The following RASSF3 variants were observed in gnomAD, a reference collection of about 807,000 sequenced individuals.
RASSF3 encodes ras association domain-containing protein 3.
A neutral mutation model predicts 19.9 loss-of-function variants in RASSF3; 19 were observed. That is an observed-to-expected ratio of 0.96 (90% CI 0.67 to 1.40). The LOEUF (loss-of-function observed/expected upper bound fraction) is 1.40. RASSF3 is among the 40% of genes most tolerant of loss of function. The pLI, the probability that RASSF3 is intolerant of heterozygous loss-of-function variation, is 0.00. For missense variants in RASSF3, 306 were observed against 289.8 expected, an observed-to-expected ratio of 1.06 and a Z score of -0.41; for synonymous variants, 110 against 104.2, an observed-to-expected ratio of 1.06 and a Z score of -0.34.
chr12:64,632,763 T>A (rs892265885), intron 1 of RASSF3, among the ~76,000 whole-genome samples: 1 of 152,006 alleles, frequency 6.6e-6, no homozygotes, highest in African/African-American at 2.4e-5. Flanking sequence ...GAATTAAGGG[T>A]CTGAAGCTCA....
intron 1 of RASSF3, among the ~76,000 whole-genome samples, chr12:64,519,511 A>G (rs1868424317): frequency 6.6e-6 from 1 of 152,124 alleles, no homozygotes; most frequent in Non-Finnish European, 1.5e-5. Flanking sequence ...ATGAGGGTCG[A>G]TATGTCGTTA....
Position 64,610,758 on chromosome 12 carries a change from G to A in RASSF3, c.111+15G>A, listed in dbSNP as rs1870323423. 1.3e-6 allele frequency: 2 copies of A among 1,551,446 alleles called. No homozygotes were observed. The highest frequency in any genetic ancestry group is 1.8e-6 in the Non-Finnish European group (2 of 1,141,312). ...CCGGCCAACAAGTGAGTGGCGCGCG[G>A]CGGGCGCTGCAGCCCGCGCCCCAGA... On this transcript the variant is annotated intron_variant, in intron 1 of 4. Coordinates refer to ENST00000542104, the MANE Select transcript of RASSF3 (RefSeq NM_178169.4).
chr12:64,546,669 GA>G (rs1869069161), downstream of RASSF3, among the ~76,000 whole-genome samples: 1 of 152,170 alleles, frequency 6.6e-6, no homozygotes, highest in South Asian at 2.1e-4. Context: ...GGTGATGAAT[GA>G]TAAATGCAAT....
chr12:64,538,629 A>G (rs1374780094), intron 1 of RASSF3, among the ~76,000 whole-genome samples: 1 of 151,854 alleles, frequency 6.6e-6, no homozygotes, highest in African/African-American at 2.4e-5. Context: ...AAATAATTAC[A>G]TGAGCTCTGT....
chr12:64,598,296 A>G (rs1481621836), intron 2 of RASSF3, among the ~76,000 whole-genome samples: 3 of 152,226 alleles, frequency 2.0e-5, no homozygotes, highest in African/African-American at 7.2e-5. Context: ...TGATTGGGTA[A>G]TCACAGTCTG....
At chr12:64,641,049 T>C (rs1218270243) in intron 1 of RASSF3, among the ~76,000 whole-genome samples, 2 of 147,060 alleles carry the variant, frequency 1.4e-5, no homozygotes, top group Admixed American at 6.6e-5. Context: ...AAATAAGATA[T>C]ACTTATTTAA....
chr12:64,529,044 GC>G (rs1868650819), upstream of RASSF3, among the ~76,000 whole-genome samples: 1 of 152,192 alleles, frequency 6.6e-6, no homozygotes, highest in Non-Finnish European at 1.5e-5. Context: ...AACAGAGGTA[GC>G]TTTTATTTTT....
At chr12:64,596,253 G>C (rs939660089) in intron 2 of RASSF3, among the ~76,000 whole-genome samples, 1 of 152,212 alleles carries the variant, frequency 6.6e-6, no homozygotes, top group Non-Finnish European at 1.5e-5. Flanking sequence ...AGGCTCTCGT[G>C]TATACACGTT....
intron 1 of RASSF3, among the ~76,000 whole-genome samples, chr12:64,629,636 A>G (rs1346566766): frequency 5.9e-5 from 9 of 152,094 alleles, no homozygotes; most frequent in Non-Finnish European, 1.3e-4. Flanking sequence ...TTTTAATTGG[A>G]AAAGTTGGCC....
At chr12:64,604,506 C>T (rs1213106270) in intron 2 of RASSF3, among the ~76,000 whole-genome samples, 2 of 152,130 alleles carry the variant, frequency 1.3e-5, no homozygotes, top group African/African-American at 4.8e-5. Context: ...CTGTCATTGC[C>T]ATGAACAAAA....
downstream of RASSF3, among the ~76,000 whole-genome samples, chr12:64,542,225 G>A (rs1868945809): frequency 6.6e-6 from 1 of 152,140 alleles, no homozygotes; most frequent in Non-Finnish European, 1.5e-5. Flanking sequence ...CCACTCAAGA[G>A]GCTGAGGCAG....
intron 2 of RASSF3, among the ~76,000 whole-genome samples, chr12:64,574,328 A>G (rs1869564610): frequency 1.3e-5 from 2 of 152,040 alleles, no homozygotes; most frequent in South Asian, 4.1e-4. Context: ...AAAAAAAAGA[A>G]ATATTTGATA....
chr12:64,663,553 G>C (rs151177401), intron 1 of RASSF3, among the ~76,000 whole-genome samples: 7 of 150,426 alleles, frequency 4.7e-5, no homozygotes, highest in South Asian at 4.2e-4. Context: ...ATGAAGTCTT[G>C]CTCTGTCACC....
chr12:64,671,981 A>G (rs2136207499), intron 1 of RASSF3, among the ~76,000 whole-genome samples: 1 of 152,292 alleles, frequency 6.6e-6, no homozygotes, highest in East Asian at 1.9e-4. Flanking sequence ...AATTAATGGG[A>G]ACAAGAGTGA....
intron 2 of RASSF3, among the ~76,000 whole-genome samples, chr12:64,586,690 A>T (rs1355457011): frequency 1.3e-5 from 2 of 152,000 alleles, no homozygotes; most frequent in Non-Finnish European, 2.9e-5. Flanking sequence ...TGGGAGGCCG[A>T]GGCAGGCAGA....
At chr12:64,564,102 A>G (rs1592402044) in intron 2 of RASSF3, among the ~76,000 whole-genome samples, 2 of 152,306 alleles carry the variant, frequency 1.3e-5, no homozygotes, top group East Asian at 1.9e-4. Context: ...TTGATCATTG[A>G]CATAAATCTT....
chr12:64,606,532 A>G (rs560233260), upstream of RASSF3, among the ~76,000 whole-genome samples: 6 of 152,344 alleles, frequency 3.9e-5, no homozygotes, highest in Admixed American at 3.9e-4. Flanking sequence ...CCTGAGGCAT[A>G]GAGAAGTTAA....
intron 1 of RASSF3, among the ~76,000 whole-genome samples, chr12:64,661,124 C>T (rs1458793340): frequency 1.3e-5 from 2 of 152,098 alleles, no homozygotes; most frequent in Non-Finnish European, 2.9e-5. Flanking sequence ...AAATGGTAGC[C>T]GTAGCCGTGA....
At position 64,641,962 on chromosome 12, in the gene RASSF3, G is replaced by C. The variant is rs866735767; in HGVS notation, c.111+31219G>C. On this transcript the variant is annotated intron_variant, in intron 1 of 4. Coordinates refer to ENST00000542104, the MANE Select transcript of RASSF3 (RefSeq NM_178169.4). ...TCTCCATGTTGGTCAGGCTGGTCTC[G>C]AACTCCCGACCTCAGGTGATCCGCC... is the stretch of plus-strand genomic sequence containing the variant. 3.9e-5 allele frequency among the ~76,000 whole-genome samples: 6 copies of C among 151,982 alleles called. No individual in the cohort carries two copies. The South Asian group carries it at 1.2e-3, about 32-fold the overall frequency.
Sources: gnomAD v4.1 joint callset for allele counts (sites outside exome capture counted in the v4.1 genomes callset) on GRCh38, gnomAD v4.1.1 for gene constraint, MANE v1.5 for transcripts, NCBI Gene and HGNC (gene_info 2026-07-23, HGNC 2026-07-21) for gene names.